The following ELP3 variants were observed in gnomAD, a reference collection of about 807,000 sequenced individuals.
ELP3 encodes the protein elongator complex protein 3.
ELP3 carries 56 observed loss-of-function variants against 74.9 expected under a neutral mutation model. The ratio of observed to expected loss-of-function variants is 0.75; its 90% CI spans 0.60 to 0.93. The LOEUF (loss-of-function observed/expected upper bound fraction) is 0.93, where lower values mean the gene tolerates loss of function less well. Among genes scored for constraint, ELP3 ranks in the 40% least tolerant of loss-of-function variants. The pLI is 0.00. For missense variants in ELP3, 573 were observed against 686.5 expected (o/e 0.83, Z 1.85); for synonymous variants, 222 against 239.8 (o/e 0.93, Z 0.68).
intron 10 of ELP3, among the ~76,000 whole-genome samples, chr8:28,154,254 T>C (rs533624460): frequency 6.6e-6 from 1 of 152,300 alleles, no homozygotes; most frequent in African/African-American, 2.4e-5. Flanking sequence ...CATTGATCAG[T>C]TGAAGATGTT....
At chr8:28,125,353 G>A (rs12541153) in intron 7 of ELP3, among the ~76,000 whole-genome samples, 88,109 of 152,086 alleles carry the variant, frequency 0.58, 27,295 homozygotes, top group East Asian at 0.9. Context: ...CACAGGGAAT[G>A]TTCTGTAAGC....
chr8:28,162,446 A>G (rs1450866816), intron 14 of ELP3, among the ~76,000 whole-genome samples: 1 of 152,200 alleles, frequency 6.6e-6, no homozygotes, highest in Non-Finnish European at 1.5e-5. Flanking sequence ...GATTATCACT[A>G]TTGTTCAGAA....
chr8:28,137,815 C>T lies in ELP3; in HGVS notation c.1024C>T (p.Pro342Ser). ...WKSGRYKSYS[P>S]SDLVELVARI... ...ATCAGGAAGATATAAGAGTTACTCT[C>T]CTAGTGACCTGGTTGAATTGGTGGC... The change falls in exon 10 of 15, where the codon CCT (proline) becomes TCT (serine). Residue 342 changes from proline (P) to serine (S), a missense_variant. Physicochemically the swap from Pro to Ser is moderately conservative, Grantham distance 74. Transcript: ENST00000256398. 6.2e-7 allele frequency: 1 copy of T among 1,614,088 alleles called. No individual in the cohort carries two copies.
rs1813471453 is a variant in ELP3 at position 28,147,311 on chromosome 8, G to C, written c.1101-8631G>C. 6.6e-6 allele frequency among the ~76,000 whole-genome samples: 1 copy of C among 152,236 alleles called. No individual in the cohort carries two copies. Among genetic ancestry groups the C allele is most frequent in the Non-Finnish European group, 1.5e-5 (1 of 68,048 alleles). ...TGCCTGTGGAGACAGTGCACCTGAA[G>C]CGTGGCCAGCAGCGTGCCTGGCACC... On this transcript the variant is annotated intron_variant, in intron 10 of 14. Coordinates refer to ENST00000256398, the MANE Select transcript of ELP3 (RefSeq NM_018091.6). The surrounding 1 kb of genome is among the most constrained non-coding windows in gnomAD (Gnocchi z 4.5).
intron 7 of ELP3, among the ~76,000 whole-genome samples, chr8:28,114,187 T>C (rs1274016898): frequency 6.6e-6 from 1 of 151,290 alleles, no homozygotes; most frequent in Non-Finnish European, 1.5e-5. Flanking sequence ...TGGTGATATT[T>C]AGGCTGAGAC....
intron 12 of ELP3, among the ~76,000 whole-genome samples, chr8:28,159,594 A>G (rs1006850675): frequency 2.6e-5 from 4 of 152,220 alleles, no homozygotes; most frequent in Admixed American, 6.5e-5. Context: ...CATTTGTACA[A>G]TGAGCTGAAG....
chr8:28,152,601 T>C (rs1813684620), intron 10 of ELP3, among the ~76,000 whole-genome samples: 1 of 151,374 alleles, frequency 6.6e-6, no homozygotes, highest in South Asian at 2.1e-4. Flanking sequence ...AGGTCAGGAG[T>C]TCAAGACCAG....
intron 14 of ELP3, among the ~76,000 whole-genome samples, chr8:28,182,238 A>G (rs1015637982): frequency 6.6e-6 from 1 of 152,146 alleles, no homozygotes; most frequent in African/African-American, 2.4e-5. Context: ...TTCTCTCTAA[A>G]ATAGAATCAC....
chr8:28,128,015 A>C (rs1229092034), intron 7 of ELP3, among the ~76,000 whole-genome samples: 1 of 152,230 alleles, frequency 6.6e-6, no homozygotes, highest in Non-Finnish European at 1.5e-5. Flanking sequence ...AGTTACAAAA[A>C]TTACAGAAAT....
intron 14 of ELP3, among the ~76,000 whole-genome samples, chr8:28,170,488 G>A (rs1203198105): frequency 2.0e-5 from 3 of 152,120 alleles, no homozygotes; most frequent in Non-Finnish European, 4.4e-5. Flanking sequence ...TCTCTCTTCC[G>A]TGAGGACATG....
intron 5 of ELP3, among the ~76,000 whole-genome samples, chr8:28,108,865 G>A (rs1166252432): frequency 6.6e-6 from 1 of 152,212 alleles, no homozygotes. Flanking sequence ...GGTGATGGCA[G>A]CTGAGATGGT....
At chr8:28,182,508 C>T (rs1815055913) in intron 14 of ELP3, among the ~76,000 whole-genome samples, 2 of 152,176 alleles carry the variant, frequency 1.3e-5, no homozygotes, top group Non-Finnish European at 2.9e-5. Context: ...TTGCAGTGAG[C>T]CGAGATCACG....
At chr8:28,137,627 G>C in intron 9 of ELP3, 71 bp from the exon 10 acceptor site, 1 of 1,482,686 alleles carries the variant, frequency 6.7e-7, no homozygotes, top group Non-Finnish European at 9.3e-7. Flanking sequence ...AAGCTGTCAG[G>C]GGTTGAGATT....
At chr8:28,127,186 T>C (rs2130448949) in intron 7 of ELP3, among the ~76,000 whole-genome samples, 1 of 152,312 alleles carries the variant, frequency 6.6e-6, no homozygotes, top group Non-Finnish European at 1.5e-5. Context: ...TAAAGAGACC[T>C]TGTGCAGCAG....
intron 14 of ELP3, among the ~76,000 whole-genome samples, chr8:28,181,352 T>C (rs954619130): frequency 6.6e-6 from 1 of 152,224 alleles, no homozygotes; most frequent in African/African-American, 2.4e-5. Flanking sequence ...ATTTTAGAAA[T>C]GGTGACTGCA....
chr8:28,158,526 C>CT, intron 11 of ELP3, 42 bp from the exon 12 acceptor site: 2 of 1,310,536 alleles, frequency 1.5e-6, no homozygotes, highest in Non-Finnish European at 1.1e-6. Flanking sequence ...ATTTGTACCC[C>CT]TCCCACCCCC....
chr8:28,094,117 G>A (rs1211963561), intron 1 of ELP3, among the ~76,000 whole-genome samples: 2 of 152,164 alleles, frequency 1.3e-5, no homozygotes, highest in African/African-American at 4.8e-5. Context: ...CTTAGATTAA[G>A]TCTTGTCATA....
At chr8:28,188,774 CA>C (rs1815341801) in intron 14 of ELP3, among the ~76,000 whole-genome samples, 1 of 152,128 alleles carries the variant, frequency 6.6e-6, no homozygotes, top group Non-Finnish European at 1.5e-5. Context: ...GCCATTATGA[CA>C]AATTATCAAA....
intron 14 of ELP3, among the ~76,000 whole-genome samples, chr8:28,180,595 A>G (rs147989458): frequency 3.4e-4 from 52 of 152,344 alleles, no homozygotes; most frequent in African/African-American, 1.2e-3. Context: ...CTTAAAGTGT[A>G]CCTCATCATT....
Sources: gnomAD v4.1 joint callset for allele counts (sites outside exome capture counted in the v4.1 genomes callset) on GRCh38, gnomAD v4.1.1 for gene constraint, Gnocchi (gnomAD v3.1) non-coding constraint, MANE v1.5 for transcripts, NCBI Gene and HGNC (gene_info 2026-07-23, HGNC 2026-07-21) for gene names.